SLC25A13: variants seen among roughly 807,000 people sequenced by gnomAD.
The protein encoded by SLC25A13 is solute carrier family 25 member 13.
SLC25A13 carries 70 observed loss-of-function variants against 85.5 expected under a neutral mutation model. That is an observed-to-expected ratio of 0.82 (90% CI 0.68 to 1.00). The LOEUF is 1.00. SLC25A13 is among the 50% of genes least tolerant of loss of function. The probability of loss-of-function intolerance (pLI) is 0.00; values close to 1 mark genes in which losing one functional copy is unlikely to be tolerated. For synonymous variants in SLC25A13, 259 were observed against 288.7 expected, an observed-to-expected ratio of 0.90 and a Z score of 1.04; for missense variants, 765 against 819.8, an observed-to-expected ratio of 0.93 and a Z score of 0.82.
intron 4 of SLC25A13, among the ~76,000 whole-genome samples, chr7:96,221,052 A>T (rs1796108947): frequency 6.6e-6 from 1 of 152,238 alleles, no homozygotes; most frequent in South Asian, 2.1e-4. Context: ...CCATTTGAGC[A>T]CGGGCGATTC....
At chr7:96,124,386 A>C (rs1009397588) in intron 15 of SLC25A13, among the ~76,000 whole-genome samples, 1 of 152,220 alleles carries the variant, frequency 6.6e-6, no homozygotes, top group African/African-American at 2.4e-5. Context: ...GCAGTGTGAT[A>C]AAGTTTTTCA....
chr7:96,232,708 C>T (rs1006964797), intron 4 of SLC25A13, among the ~76,000 whole-genome samples: 7 of 149,044 alleles, frequency 4.7e-5, no homozygotes, highest in Middle Eastern at 3.6e-3. Flanking sequence ...TTTAGTATCA[C>T]TATTTGTATA....
At chr7:96,197,615 A>G (rs1795110161) in intron 5 of SLC25A13, among the ~76,000 whole-genome samples, 1 of 152,228 alleles carries the variant, frequency 6.6e-6, no homozygotes, top group Non-Finnish European at 1.5e-5. Flanking sequence ...CTCAAAAGCT[A>G]TTTAATGAAA....
At chr7:96,246,115 G>C (rs1241465850) in intron 3 of SLC25A13, among the ~76,000 whole-genome samples, 1 of 152,240 alleles carries the variant, frequency 6.6e-6, no homozygotes, top group Admixed American at 6.5e-5. Flanking sequence ...CCCAAGGACA[G>C]AAAGACTGGC....
chr7:96,230,284 T>C (rs535625922), intron 4 of SLC25A13, among the ~76,000 whole-genome samples: 50 of 152,256 alleles, frequency 3.3e-4, no homozygotes, highest in Middle Eastern at 3.4e-3. Context: ...GCAAAACCAA[T>C]TGATAGTGAT....
At chr7:96,156,126 A>C (rs138011754) in intron 13 of SLC25A13, among the ~76,000 whole-genome samples, 1 of 152,318 alleles carries the variant, frequency 6.6e-6, no homozygotes, top group African/African-American at 2.4e-5. Flanking sequence ...AAACCAATGG[A>C]TTCAGTGACA....
chr7:96,151,415 T>C (rs1337840795), intron 13 of SLC25A13, among the ~76,000 whole-genome samples: 5 of 151,258 alleles, frequency 3.3e-5, no homozygotes, highest in East Asian at 2.0e-4. Flanking sequence ...CTGGCTAATA[T>C]GGTGAAACTC....
intron 4 of SLC25A13, among the ~76,000 whole-genome samples, chr7:96,227,077 G>A (rs996376079): frequency 2.0e-5 from 3 of 152,040 alleles, no homozygotes; most frequent in Non-Finnish European, 4.4e-5. Flanking sequence ...ATACTTATTT[G>A]TTATCTCAAA....
In SLC25A13 at chr7:96,284,881, C is replaced by A. The variant is rs1223068197; in HGVS notation, c.70-7543G>T. ...GATAAATTACCCAGTCTCAGGTATG[C>A]CTTTATTAGCAGCATGAGAACAGAA... On this transcript the variant is annotated intron_variant, in intron 2 of 17. Transcript: ENST00000265631. 3.9e-5 allele frequency among the ~76,000 whole-genome samples: 6 copies of A among 152,184 alleles called. No individual in the cohort carries two copies. The East Asian group carries it at 1.2e-3, about 29-fold the overall frequency.
rs963044171 is a variant in SLC25A13 at position 96,120,261 on chromosome 7, C to A, written c.*930G>T. ...TTATTTCCACCTTCACAAATTCATG[C>A]GCCTCTGACCATTATGCAAGGCAAC... On this transcript the variant is annotated 3_prime_UTR_variant, in exon 18 of 18. Transcript: ENST00000265631. 2 of 451,756 alleles carry A rather than the reference C, an allele frequency of 4.4e-6. No individual in the cohort carries two copies. Among genetic ancestry groups the A allele is most frequent in the Non-Finnish European group, 8.9e-6 (2 of 225,182 alleles). 28.0% of individuals were successfully genotyped at this position (451,756 alleles called of 1,614,324 possible).
chr7:96,184,259 T>G lies in SLC25A13; in HGVS notation c.1177+18A>C, dbSNP rs757860416. The G allele has an allele frequency of 9.9e-6, 16 of 1,613,868 alleles. No individual in the cohort carries two copies. Among genetic ancestry groups the G allele is most frequent in the Non-Finnish European group, 1.3e-5 (15 of 1,179,874 alleles). The stretch of plus-strand genomic sequence containing the variant: ...GAGTGTTATTTCACCTAACAGGTAT[T>G]GAGCATGTGGCACTAACCTCTATAC... On this transcript the variant is annotated intron_variant, in intron 11 of 17. Transcript: ENST00000265631.
chr7:96,234,196 T>C (rs1175647804), intron 4 of SLC25A13, among the ~76,000 whole-genome samples: 1 of 152,206 alleles, frequency 6.6e-6, no homozygotes, highest in Non-Finnish European at 1.5e-5. Context: ...TTGAAAAACA[T>C]CAGGGTTTTC....
chr7:96,157,085 T>C lies in SLC25A13; in HGVS notation c.1312-10389A>G, dbSNP rs116978421. Among the ~76,000 whole-genome samples, 47 of 152,266 alleles carry C rather than the reference T, an allele frequency of 3.1e-4. 1 individual carries two copies. In the East Asian group the frequency reaches 8.1e-3, roughly 26 times the overall value. On this transcript the variant is annotated intron_variant, in intron 13 of 17. Transcript: ENST00000265631. Reference sequence around the variant, plus strand: ...GTCCATGATCTTCATAAATTCACCTTTGCATCCAGGAGTGCTGAGAGCAAC... The same window carrying C: ...GTCCATGATCTTCATAAATTCACCTCTGCATCCAGGAGTGCTGAGAGCAAC...
intron 15 of SLC25A13, 66 bp downstream of exon 15, chr7:96,131,667 AATGTAGTAGC>A (rs1484010915): frequency 3.9e-5 from 62 of 1,602,390 alleles, no homozygotes; most frequent in Non-Finnish European, 5.2e-5. Flanking sequence ...AAAAAATTTC[AATGTAGTAGC>A]ATGCAGCTAG....
chr7:96,269,990 G>A (rs1798175217), intron 3 of SLC25A13, among the ~76,000 whole-genome samples: 1 of 152,148 alleles, frequency 6.6e-6, no homozygotes, highest in Non-Finnish European at 1.5e-5. Flanking sequence ...AAAGGCCCTG[G>A]AGTGATGTTG....
chr7:96,267,810 A>AAG (rs11460691), intron 3 of SLC25A13, among the ~76,000 whole-genome samples: 1 of 151,846 alleles, frequency 6.6e-6, no homozygotes, highest in Non-Finnish European at 1.5e-5. Context: ...CAAAAAAAAA[A>AAG]AAAAAAATTA....
At chr7:96,290,461 A>G (rs1334212587) in intron 2 of SLC25A13, among the ~76,000 whole-genome samples, 1 of 152,200 alleles carries the variant, frequency 6.6e-6, no homozygotes, top group Non-Finnish European at 1.5e-5. Flanking sequence ...AAATGCTCCA[A>G]TTAAAAGACA....
chr7:96,218,692 ATCTC>A (rs899593932), intron 4 of SLC25A13, among the ~76,000 whole-genome samples: 3 of 152,274 alleles, frequency 2.0e-5, no homozygotes, highest in African/African-American at 2.4e-5. Flanking sequence ...CTAAACCATA[ATCTC>A]TCTCTCTTTC....
At chr7:96,304,268 T>C (rs1376866531) in intron 1 of SLC25A13, among the ~76,000 whole-genome samples, 2 of 152,154 alleles carry the variant, frequency 1.3e-5, no homozygotes, top group African/African-American at 4.8e-5. Flanking sequence ...TGGCAAAACT[T>C]CATTTCACTC....
Sources: gnomAD v4.1 joint callset for allele counts (sites outside exome capture counted in the v4.1 genomes callset) on GRCh38, gnomAD v4.1.1 for gene constraint, MANE v1.5 for transcripts, NCBI Gene and HGNC (gene_info 2026-07-23, HGNC 2026-07-21) for gene names.